The following OTUD7B variants were observed in gnomAD, a reference collection of about 807,000 sequenced individuals.
OTUD7B encodes the protein OTU domain-containing protein 7B.
OTUD7B carries 34 observed loss-of-function variants against 82.2 expected under a neutral mutation model. The observed-to-expected ratio is 0.41, with a 90% CI of 0.31 to 0.55. The LOEUF (loss-of-function observed/expected upper bound fraction) is 0.55. Ranked by LOEUF, OTUD7B falls within the 20% of genes least tolerant of loss-of-function variation. OTUD7B has a pLI of 0.20. For missense variants in OTUD7B, 944 were observed against 1,062.1 expected (o/e 0.89, Z 1.55); for synonymous variants, 398 against 402.7 (o/e 0.99, Z 0.14).
At chr1:149,958,304 A>G (rs1648863896) in intron 7 of OTUD7B, among the ~76,000 whole-genome samples, 1 of 151,216 alleles carries the variant, frequency 6.6e-6, no homozygotes, top group Admixed American at 6.6e-5. Flanking sequence ...TTCTATCTCT[A>G]AAAACATAAA....
chr1:149,974,909 G>C (rs1419641794), intron 2 of OTUD7B, among the ~76,000 whole-genome samples: 1 of 151,062 alleles, frequency 6.6e-6, no homozygotes, highest in African/African-American at 2.4e-5. Flanking sequence ...GCCCAGGCTG[G>C]TCTCAAACTC....
At chr1:149,967,256 G>A (rs1200888814) in intron 4 of OTUD7B, 38 bp downstream of exon 4, 4 of 1,446,190 alleles carry the variant, frequency 2.8e-6, no homozygotes, top group Non-Finnish European at 3.9e-6. Context: ...TAGGTGGAGA[G>A]TAGAGGGAAG....
At chr1:149,968,045 C>T (rs1397395690) in intron 3 of OTUD7B, among the ~76,000 whole-genome samples, 3 of 152,022 alleles carry the variant, frequency 2.0e-5, no homozygotes, top group African/African-American at 7.2e-5. Flanking sequence ...AGGTGGATCA[C>T]CTGAGGTCAG....
At chr1:149,950,372 T>C (rs1389916627) in intron 7 of OTUD7B, 151 bp from the exon 8 acceptor site, 2 of 724,556 alleles carry the variant, frequency 2.8e-6, no homozygotes, top group East Asian at 5.5e-5. Flanking sequence ...ATATAGCTGA[T>C]TATTTTATGC....
At chr1:150,016,448 TTTTC>T in the OTUD7B span, among the ~76,000 whole-genome samples, 1 of 956 alleles carries the variant, frequency 1.0e-3, no homozygotes, top group Admixed American at 0.017. Flanking sequence ...TCTCTTTTCT[TTTTC>T]TTTTTTTTTT....
At chr1:150,009,565 A>C (rs587599372) in intron 1 of OTUD7B, among the ~76,000 whole-genome samples, 1 of 152,348 alleles carries the variant, frequency 6.6e-6, no homozygotes, top group Non-Finnish European at 1.5e-5. Flanking sequence ...AAGCTGCCTG[A>C]AAAGTTTGTG....
At chr1:149,950,268 A>G (rs782815245) in intron 7 of OTUD7B, 47 bp from the exon 8 acceptor site, 1 of 1,600,190 alleles carries the variant, frequency 6.2e-7, no homozygotes, top group Admixed American at 1.7e-5. Context: ...AGTAAAAATG[A>G]GAGAGTAGAA....
chr1:150,044,856 G>A, the OTUD7B span, among the ~76,000 whole-genome samples: 2 of 150,982 alleles, frequency 1.3e-5, no homozygotes, highest in Non-Finnish European at 2.9e-5. Context: ...AGATGTATTA[G>A]TTACCTGTGA....
the OTUD7B span, among the ~76,000 whole-genome samples, chr1:150,058,794 C>A: frequency 2.3e-4 from 35 of 152,054 alleles, no homozygotes; most frequent in Non-Finnish European, 4.4e-5. Flanking sequence ...CATTAGACAG[C>A]CTTTCAATCT....
chr1:150,046,606 C>T, the OTUD7B span, among the ~76,000 whole-genome samples: 1 of 108,406 alleles, frequency 9.2e-6, no homozygotes, highest in Non-Finnish European at 1.9e-5. Context: ...TGCAACCACA[C>T]CTGGCTAATT....
rs1553775924 is a variant in OTUD7B, at chr1:149,963,548, TG to T, written c.732+673del. Reference sequence around the variant, plus strand: ...TTCTGATAAAAGGTTTTTTTGTTTTTGTTTTTTTTTGTTTTTTTTTTTCTTA... The same window carrying T: ...TTCTGATAAAAGGTTTTTTTGTTTTTTTTTTTTTTGTTTTTTTTTTTCTTA... On this transcript the variant is annotated intron_variant, in intron 6 of 11. Coordinates refer to ENST00000581312, the MANE Select transcript of OTUD7B (RefSeq NM_020205.4). 5 of 5,724 alleles carry T rather than the reference TG, an allele frequency of 8.7e-4. No homozygotes were observed. The Admixed American group carries it at 0.011, about 13-fold the overall frequency. The allele number at this position is 5,724 out of a possible 1,614,324, so 0.4% of individuals were successfully genotyped here. A position where few individuals can be genotyped will look rare whatever the true frequency, so the allele number is the denominator to read the frequency against.
At chr1:149,985,439 C>T (rs1651063121) in intron 1 of OTUD7B, among the ~76,000 whole-genome samples, 1 of 152,014 alleles carries the variant, frequency 6.6e-6, no homozygotes, top group Admixed American at 6.6e-5. Flanking sequence ...AATTCCTATA[C>T]AGGGTCGGGC....
intron 5 of OTUD7B, among the ~76,000 whole-genome samples, chr1:149,965,099 G>T (rs1285259377): frequency 1.3e-5 from 2 of 151,966 alleles, no homozygotes; most frequent in East Asian, 3.9e-4. Context: ...CACCGTGTTG[G>T]CCAGGCTGGT....
the OTUD7B span, among the ~76,000 whole-genome samples, chr1:150,036,835 TAAC>T: frequency 1.1e-4 from 17 of 152,322 alleles, no homozygotes; most frequent in Non-Finnish European, 1.5e-4. Context: ...AACAGCTTAA[TAAC>T]AACAACACAT....
chr1:150,004,666 C>T (rs587726323), intron 1 of OTUD7B, among the ~76,000 whole-genome samples: 1 of 151,636 alleles, frequency 6.6e-6, no homozygotes, highest in East Asian at 1.9e-4. Context: ...ATAAACATAG[C>T]TCCAAACCAA....
At chr1:149,976,222 C>T (rs1553778500) in intron 2 of OTUD7B, among the ~76,000 whole-genome samples, 1 of 151,984 alleles carries the variant, frequency 6.6e-6, no homozygotes, top group African/African-American at 2.4e-5. Flanking sequence ...TCCCCATAGG[C>T]CTGCCTGTTT....
the OTUD7B span, among the ~76,000 whole-genome samples, chr1:150,019,676 G>A: frequency 6.6e-6 from 1 of 152,112 alleles, no homozygotes; most frequent in South Asian, 2.1e-4. Flanking sequence ...TTCCTTAAAG[G>A]GAAATTTATC....
chr1:149,994,861 T>C (rs1204229141), intron 1 of OTUD7B, among the ~76,000 whole-genome samples: 4 of 152,166 alleles, frequency 2.6e-5, no homozygotes, highest in African/African-American at 9.7e-5. Flanking sequence ...GGACTGACTC[T>C]AGCAATGCAA....
At chr1:149,958,717 T>C (rs1648905332) in intron 7 of OTUD7B, among the ~76,000 whole-genome samples, 1 of 149,144 alleles carries the variant, frequency 6.7e-6, no homozygotes, top group Non-Finnish European at 1.5e-5. Flanking sequence ...AATTGTCTTA[T>C]GATGTCCACA....
Sources: allele counts gnomAD v4.1 joint callset (sites outside exome capture counted in the v4.1 genomes callset), GRCh38; gene constraint gnomAD v4.1.1; transcripts MANE v1.5; gene names NCBI Gene and HGNC (gene_info 2026-07-23, HGNC 2026-07-21).